Variants in SHISAL1 observed in about 807,000 individuals in gnomAD.
SHISAL1 encodes the protein shisa like 1, also known as protein shisa-like-1.
SHISAL1 carries 9 observed loss-of-function variants against 22.6 expected under a neutral mutation model. The observed-to-expected ratio is 0.40, with a 90% CI of 0.24 to 0.70. The LOEUF (loss-of-function observed/expected upper bound fraction) is 0.70, where lower values mean the gene tolerates loss of function less well. Among genes scored for constraint, SHISAL1 ranks in the 30% least tolerant of loss-of-function variants. The pLI is 0.39. For synonymous variants in SHISAL1, 119 were observed against 115.4 expected (o/e 1.03, Z -0.20); for missense variants, 246 against 270.6 (o/e 0.91, Z 0.64).
rs2055011304 is a variant in SHISAL1 at position 44,247,467 on chromosome 22, G to T, written c.*2218C>A. ...GGCCCTGGGACGGCTCACATCAGGG[G>T]AGAGGAAGCCATTCCTTTCTCCAAT... is the stretch of plus-strand genomic sequence containing the variant. On this transcript the variant is annotated 3_prime_UTR_variant, in exon 5 of 5. Transcript: ENST00000381176. The T allele has an allele frequency of 6.6e-6, 1 of 152,404 alleles. No individual in the cohort carries two copies. The highest frequency in any genetic ancestry group is 1.5e-5 in the Non-Finnish European group (1 of 68,212). 9.4% of individuals were successfully genotyped at this position (152,404 alleles called of 1,614,324 possible). A position where few individuals can be genotyped will look rare whatever the true frequency, so the allele number is the denominator to read the frequency against.
At chr22:44,268,616 G>C (rs1337199806) in intron 4 of SHISAL1, among the ~76,000 whole-genome samples, 1 of 152,228 alleles carries the variant, frequency 6.6e-6, no homozygotes, top group African/African-American at 2.4e-5. Flanking sequence ...AGTGGAAACA[G>C]GCCACGGAGC....
At chr22:44,328,265 G>C in the SHISAL1 span, among the ~76,000 whole-genome samples, 1 of 152,144 alleles carries the variant, frequency 6.6e-6, no homozygotes, top group Admixed American at 6.5e-5. Flanking sequence ...ATAGTGTAGT[G>C]GTTGGGAGCC....
intron 4 of SHISAL1, among the ~76,000 whole-genome samples, chr22:44,274,263 TG>T: frequency 6.6e-6 from 1 of 152,102 alleles, no homozygotes; most frequent in East Asian, 1.9e-4. Context: ...AAATGCAAAC[TG>T]TATAGAAATA....
At chr22:44,307,288 C>G (rs2055486146) in intron 1 of SHISAL1, among the ~76,000 whole-genome samples, 1 of 152,156 alleles carries the variant, frequency 6.6e-6, no homozygotes, top group Admixed American at 6.5e-5. Flanking sequence ...GTATTCACTG[C>G]ACTGTCTCAG....
Position 44,267,150 on chromosome 22 carries a change from G to A in SHISAL1, c.*-17465C>T, listed in dbSNP as rs565764850. On this transcript the variant is annotated intron_variant, in intron 4 of 4. Transcript: ENST00000381176. The stretch of plus-strand genomic sequence containing the variant: ...AGGGCAGGGCACGCAGCCCACATCC[G>A]AGGCCAGGTCCCATGCCCCTCAGCT... Among the ~76,000 whole-genome samples, 5 of 152,168 alleles carry A rather than the reference G, an allele frequency of 3.3e-5. No homozygotes were observed. In the South Asian group the frequency reaches 1.0e-3, roughly 32 times the overall value.
chr22:44,250,672 AG>A (rs2055041124), intron 4 of SHISAL1, among the ~76,000 whole-genome samples: 1 of 152,192 alleles, frequency 6.6e-6, no homozygotes. Flanking sequence ...ACATGAATCC[AG>A]GGGGAAATGA....
the SHISAL1 span, among the ~76,000 whole-genome samples, chr22:44,331,349 G>A: frequency 7.0e-6 from 1 of 143,190 alleles, no homozygotes; most frequent in Admixed American, 6.9e-5. The surrounding 1 kb of genome is among the most constrained non-coding windows in gnomAD (Gnocchi z 5.2). Context: ...GGAGCCCCGC[G>A]CCGCAGACCC....
rs1054109465 is a variant in SHISAL1, at chr22:44,286,041, A to T, written c.282-296T>A. 5.3e-5 allele frequency among the ~76,000 whole-genome samples: 8 copies of T among 152,136 alleles called. No homozygotes were observed. The South Asian group carries it at 1.2e-3, about 24-fold the overall frequency. ...CACAGAGTCAGACACTTTGGGGGGAATTCTGAGCTGGCATCTGGGGCTCCC... is the reference window on the plus strand; with the variant it reads ...CACAGAGTCAGACACTTTGGGGGGATTTCTGAGCTGGCATCTGGGGCTCCC... On this transcript the variant is annotated intron_variant, in intron 3 of 4. Transcript: ENST00000381176.
intron 4 of SHISAL1, among the ~76,000 whole-genome samples, chr22:44,250,422 G>C (rs2055039297): frequency 6.6e-6 from 1 of 152,216 alleles, no homozygotes; most frequent in African/African-American, 2.4e-5. Context: ...TGTGGAAACA[G>C]ATCTGCGGGG....
the SHISAL1 span, among the ~76,000 whole-genome samples, chr22:44,322,077 C>A: frequency 1.3e-5 from 2 of 152,218 alleles, no homozygotes; most frequent in African/African-American, 4.8e-5. Context: ...TCAGCCTCCC[C>A]AGCAGAAAGA....
intron 2 of SHISAL1, among the ~76,000 whole-genome samples, chr22:44,300,141 A>G (rs1289474902): frequency 6.6e-6 from 1 of 152,040 alleles, no homozygotes; most frequent in Non-Finnish European, 1.5e-5. Flanking sequence ...ACAGAGAGAC[A>G]GAAACAGAGA....
intron 4 of SHISAL1, among the ~76,000 whole-genome samples, chr22:44,266,908 T>C (rs1314043070): frequency 2.6e-5 from 4 of 152,090 alleles, no homozygotes; most frequent in Non-Finnish European, 2.9e-5. Context: ...TAATGAAACA[T>C]GGAACCTTTC....
chr22:44,325,386 C>T, the SHISAL1 span, among the ~76,000 whole-genome samples: 1 of 152,280 alleles, frequency 6.6e-6, no homozygotes, highest in African/African-American at 2.4e-5. Flanking sequence ...GACGCAGAGA[C>T]CGAGGCTCAG....
intron 4 of SHISAL1, 134 bp downstream of exon 4, chr22:44,285,294 T>C: frequency 1.0e-6 from 1 of 990,370 alleles, no homozygotes; most frequent in South Asian, 1.6e-5. Flanking sequence ...GAAATTTTTC[T>C]TGGCAAACAA....
chr22:44,296,210 G>C (rs916375855), intron 3 of SHISAL1, among the ~76,000 whole-genome samples: 1 of 148,686 alleles, frequency 6.7e-6, no homozygotes, highest in Non-Finnish European at 1.5e-5. Context: ...CCAGGCTGGA[G>C]TGCAATGGCG....
At chr22:44,281,064 C>G (rs1306563385) in intron 4 of SHISAL1, among the ~76,000 whole-genome samples, 1 of 152,242 alleles carries the variant, frequency 6.6e-6, no homozygotes, top group East Asian at 1.9e-4. Context: ...CCCTCGGTGC[C>G]CCCTCCACTG....
At chr22:44,321,091 G>A in the SHISAL1 span, among the ~76,000 whole-genome samples, 1 of 152,146 alleles carries the variant, frequency 6.6e-6, no homozygotes, top group African/African-American at 2.4e-5. Flanking sequence ...TGGTGGATTA[G>A]CAATGTCTAA....
chr22:44,249,362 G>C lies in SHISAL1; in HGVS notation c.*323C>G. 3.2e-6 allele frequency: 1 copy of C among 315,888 alleles called. No individual in the cohort carries two copies. Among genetic ancestry groups the C allele is most frequent in the African/African-American group, 2.2e-5 (1 of 46,328 alleles). The allele number at this position is 315,888 out of a possible 1,614,324, so 19.6% of individuals were successfully genotyped here. A position where few individuals can be genotyped will look rare whatever the true frequency, so the allele number is the denominator to read the frequency against. ...TCACAGGCCTCAATCCTCCTGGCTGGAATCAGCCAGAGTTGCTTTGTCTTG... is the reference window on the plus strand; with the variant it reads ...TCACAGGCCTCAATCCTCCTGGCTGCAATCAGCCAGAGTTGCTTTGTCTTG... On this transcript the variant is annotated 3_prime_UTR_variant, in exon 5 of 5. Transcript: ENST00000381176.
chr22:44,285,278 C>A (rs906356138), intron 4 of SHISAL1, 150 bp downstream of exon 4: 13 of 810,878 alleles, frequency 1.6e-5, no homozygotes, highest in Non-Finnish European at 2.2e-5. Flanking sequence ...CTACCCATAA[C>A]AGTTTGAAAT....
Sources: allele counts gnomAD v4.1 joint callset (sites outside exome capture counted in the v4.1 genomes callset), GRCh38; gene constraint gnomAD v4.1.1; non-coding constraint Gnocchi (gnomAD v3.1); transcripts MANE v1.5; gene names NCBI Gene and HGNC (gene_info 2026-07-23, HGNC 2026-07-21).